The following TESK2 variants were observed in gnomAD, a reference collection of about 807,000 sequenced individuals.
TESK2 encodes the protein dual specificity testis-specific protein kinase 2.
In TESK2, 39 loss-of-function variants were observed where a neutral mutation model predicts 57.1. The ratio of observed to expected loss-of-function variants is 0.68; its 90% CI spans 0.53 to 0.89. The LOEUF (loss-of-function observed/expected upper bound fraction) is 0.89, where lower values mean the gene tolerates loss of function less well. Ranked by LOEUF, TESK2 falls within the 40% of genes least tolerant of loss-of-function variation. The probability of loss-of-function intolerance (pLI) is 0.00; values close to 1 mark genes in which losing one functional copy is unlikely to be tolerated. For missense variants in TESK2, 646 were observed against 732.1 expected (o/e 0.88, Z 1.36); for synonymous variants, 249 against 267.9 (o/e 0.93, Z 0.69).
chr1:45,477,452 G>A (rs994069334), intron 1 of TESK2, among the ~76,000 whole-genome samples: 9 of 151,786 alleles, frequency 5.9e-5, no homozygotes, highest in Non-Finnish European at 1.0e-4. Context: ...GCTAAACCCC[G>A]TCTCTACTAA....
chr1:45,369,239 G>A (rs1648077694), intron 4 of TESK2, among the ~76,000 whole-genome samples: 1 of 151,970 alleles, frequency 6.6e-6, no homozygotes, highest in African/African-American at 2.4e-5. Flanking sequence ...AGTGGCTCAC[G>A]CCTGTAATCT....
chr1:45,449,941 A>C (rs531013564), intron 2 of TESK2, among the ~76,000 whole-genome samples: 2 of 152,176 alleles, frequency 1.3e-5, no homozygotes, highest in Non-Finnish European at 1.5e-5. Flanking sequence ...GGTGTGATTG[A>C]CATTTGAATA....
In TESK2 at chr1:45,470,413, CT is replaced by C. The variant is rs1364517610; in HGVS notation, c.-86-12543del. 5.3e-5 allele frequency among the ~76,000 whole-genome samples: 8 copies of C among 152,316 alleles called. No individual in the cohort carries two copies. In the South Asian group the frequency reaches 1.5e-3, roughly 28 times the overall value. The stretch of plus-strand genomic sequence containing the variant: ...TAAAAATAAAAGCAATACTGCTGAG[CT>C]TACCTTCCTGCTGTGAAATAATGAG... On this transcript the variant is annotated intron_variant, in intron 1 of 10. Transcript: ENST00000372086.
At chr1:45,456,614 T>C (rs1305261592) in intron 2 of TESK2, among the ~76,000 whole-genome samples, 1 of 152,042 alleles carries the variant, frequency 6.6e-6, no homozygotes, top group Non-Finnish European at 1.5e-5. Context: ...AACATGTTAA[T>C]GGTAATACTT....
At chr1:45,467,413 T>C (rs531493437) in intron 1 of TESK2, among the ~76,000 whole-genome samples, 18 of 152,156 alleles carry the variant, frequency 1.2e-4, no homozygotes, top group African/African-American at 4.1e-4. Context: ...GGTGCGATCA[T>C]GGCTCACCAC....
intron 2 of TESK2, among the ~76,000 whole-genome samples, chr1:45,446,155 G>GA (rs994899294): frequency 9.6e-5 from 13 of 135,130 alleles, no homozygotes; most frequent in African/African-American, 3.4e-4. Context: ...AAGCATAGAA[G>GA]AAAAAAAACT....
At chr1:45,364,774 A>G (rs1014061678) in intron 4 of TESK2, among the ~76,000 whole-genome samples, 16 of 152,210 alleles carry the variant, frequency 1.1e-4, no homozygotes, top group African/African-American at 3.6e-4. Flanking sequence ...CAACTGAGTG[A>G]TAGATATGAG....
chr1:45,357,723 G>A (rs1281887302), intron 4 of TESK2, among the ~76,000 whole-genome samples: 18 of 151,484 alleles, frequency 1.2e-4, no homozygotes, highest in Admixed American at 9.9e-4. Context: ...AGCTCCCAGG[G>A]GTGGGATCAT....
intron 3 of TESK2, among the ~76,000 whole-genome samples, chr1:45,409,905 C>T (rs538034712): frequency 2.0e-5 from 3 of 152,282 alleles, no homozygotes; most frequent in South Asian, 4.2e-4. Flanking sequence ...TGGCTCACAC[C>T]TGTAATACCA....
intron 4 of TESK2, among the ~76,000 whole-genome samples, chr1:45,358,757 A>G (rs1241955276): frequency 1.3e-5 from 2 of 152,158 alleles, no homozygotes; most frequent in Non-Finnish European, 2.9e-5. Context: ...ACTACATACT[A>G]TTACTCATTT....
intron 4 of TESK2, among the ~76,000 whole-genome samples, chr1:45,379,048 A>G (rs919416128): frequency 6.6e-6 from 1 of 152,214 alleles, no homozygotes; most frequent in East Asian, 1.9e-4. Context: ...TATCATGGTA[A>G]ATAAGGATAG....
In TESK2 at chr1:45,347,602, A is replaced by G. The variant is rs150196202; in HGVS notation, c.708+7T>C. 8 of 1,613,312 alleles carry G rather than the reference A, an allele frequency of 5.0e-6. No homozygotes were observed. In the East Asian group the frequency reaches 1.8e-4, roughly 36 times the overall value. On this transcript the variant is annotated splice_region_variant and intron_variant, in intron 7 of 10. Coordinates refer to ENST00000372086, the MANE Select transcript of TESK2 (RefSeq NM_007170.3). ...GAGAATCAGGCCTTGAGATCCTCCAAACTTACCTTTTCATTATAGGGCTCA... is the reference window on the plus strand; with the variant it reads ...GAGAATCAGGCCTTGAGATCCTCCAGACTTACCTTTTCATTATAGGGCTCA...
chr1:45,414,536 G>A (rs1650160837), intron 3 of TESK2, among the ~76,000 whole-genome samples: 1 of 152,162 alleles, frequency 6.6e-6, no homozygotes, highest in Admixed American at 6.5e-5. Context: ...TGAGGGTGGA[G>A]GTGGGGATCA....
At chr1:45,430,288 G>A (rs760337824) in intron 2 of TESK2, among the ~76,000 whole-genome samples, 10 of 151,722 alleles carry the variant, frequency 6.6e-5, no homozygotes, top group Non-Finnish European at 1.3e-4. Context: ...CCAGGAGTTC[G>A]AGATAGCCTG....
intron 1 of TESK2, among the ~76,000 whole-genome samples, chr1:45,468,673 T>C (rs1652649773): frequency 6.6e-6 from 1 of 152,216 alleles, no homozygotes; most frequent in African/African-American, 2.4e-5. Flanking sequence ...CTCAAAGTAT[T>C]AATATACTTT....
At chr1:45,389,492 A>G (rs1570679349) in intron 3 of TESK2, among the ~76,000 whole-genome samples, 1 of 152,072 alleles carries the variant, frequency 6.6e-6, no homozygotes, top group African/African-American at 2.4e-5. Context: ...CCACTTCGGG[A>G]CTCTGCAGAG....
chr1:45,348,801 C>T (rs1479726962), intron 5 of TESK2, among the ~76,000 whole-genome samples: 1 of 152,190 alleles, frequency 6.6e-6, no homozygotes, highest in Non-Finnish European at 1.5e-5. Context: ...TATGCCACTC[C>T]TCTTACAGTC....
chr1:45,426,615 T>TA (rs1417113557), intron 2 of TESK2, among the ~76,000 whole-genome samples: 1 of 152,156 alleles, frequency 6.6e-6, no homozygotes, highest in East Asian at 1.9e-4. Context: ...CACATCCGGT[T>TA]AAAAAGCTTC....
intron 2 of TESK2, among the ~76,000 whole-genome samples, chr1:45,451,394 G>T (rs557247195): frequency 6.6e-6 from 1 of 152,158 alleles, no homozygotes; most frequent in Admixed American, 6.5e-5. Context: ...ATTTTTCAGG[G>T]ATAAAGTTAA....
Sources: allele counts gnomAD v4.1 joint callset (sites outside exome capture counted in the v4.1 genomes callset), GRCh38; gene constraint gnomAD v4.1.1; transcripts MANE v1.5; gene names NCBI Gene and HGNC (gene_info 2026-07-23, HGNC 2026-07-21).